Variants in CSPP1 observed in about 807,000 individuals in gnomAD.
CSPP1 encodes the protein centrosome and spindle pole associated protein 1, also known as centrosome and spindle pole-associated protein 1.
Under a neutral mutation model 164.4 loss-of-function variants are expected in CSPP1, and 126 were observed. The observed-to-expected ratio is 0.77, with a 90% CI of 0.66 to 0.89. The LOEUF (loss-of-function observed/expected upper bound fraction) is 0.89. Ranked by LOEUF, CSPP1 falls within the 40% of genes least tolerant of loss-of-function variation. The pLI, the probability that CSPP1 is intolerant of heterozygous loss-of-function variation, is 0.00. For synonymous variants in CSPP1, 472 were observed against 476.7 expected (o/e 0.99, Z 0.13); for missense variants, 1,395 against 1,449.8 (o/e 0.96, Z 0.61).
intron 10 of CSPP1, among the ~76,000 whole-genome samples, chr8:67,113,014 G>C (rs1404208278): frequency 6.6e-6 from 1 of 152,186 alleles, no homozygotes; most frequent in African/African-American, 2.4e-5. Context: ...CGGAGGCCGA[G>C]GTGGGTGGAT....
intron 4 of CSPP1, among the ~76,000 whole-genome samples, chr8:67,089,115 G>T (rs1585971472): frequency 6.6e-6 from 1 of 151,828 alleles, no homozygotes; most frequent in African/African-American, 2.4e-5. Flanking sequence ...TTCCAGACTT[G>T]GATTGCATGG....
At chr8:67,135,706 G>A (rs78500420) in intron 16 of CSPP1, 12,594 of 152,218 alleles carry the variant, frequency 0.083, 1,062 homozygotes, top group African/African-American at 0.22. Flanking sequence ...TCATTCATAT[G>A]TTTACTGGAG....
At chr8:67,145,382 T>G (rs1277241827) in intron 17 of CSPP1, among the ~76,000 whole-genome samples, 1 of 152,186 alleles carries the variant, frequency 6.6e-6, no homozygotes, top group African/African-American at 2.4e-5. Flanking sequence ...TTATGGATCT[T>G]TTCATAGAAT....
chr8:67,194,829 C>T (rs1837477940), intron 30 of CSPP1, among the ~76,000 whole-genome samples: 1 of 152,102 alleles, frequency 6.6e-6, no homozygotes. Context: ...GCAAGAGCTA[C>T]CTCTTCATTG....
At position 67,118,293 on chromosome 8, in the gene CSPP1, T is replaced by A; in HGVS notation, c.1542T>A (p.Thr514=). The change falls in exon 14 of 31, where the codon ACT becomes ACA. Residue 514 remains threonine, a synonymous_variant. Coordinates refer to ENST00000678616, the MANE Select transcript of CSPP1 (RefSeq NM_001382391.1). Reference sequence around the variant, plus strand: ...CTCCCCTACTACCACCTTTGGCTACTAACTATCGAACTCCTTATGATGATG... The same window carrying A: ...CTCCCCTACTACCACCTTTGGCTACAAACTATCGAACTCCTTATGATGATG... ...PPPPLLPPLA[T]NYRTPYDDAY... is the part of the protein sequence containing the mutation. 6.2e-7 allele frequency: 1 copy of A among 1,613,418 alleles called. No homozygotes were observed. Among genetic ancestry groups the A allele is most frequent in the Non-Finnish European group, 8.5e-7 (1 of 1,179,352 alleles).
In CSPP1 at chr8:67,074,239, A is replaced by G; in HGVS notation, c.-10-4A>G. 2 of 1,566,480 alleles carry G rather than the reference A, an allele frequency of 1.3e-6. No individual in the cohort carries two copies. The highest frequency in any genetic ancestry group is 2.7e-5 in the African/African-American group (2 of 73,472). On this transcript the variant is annotated splice_region_variant and splice_polypyrimidine_tract_variant and intron_variant, in intron 1 of 30. Coordinates refer to ENST00000678616, the MANE Select transcript of CSPP1 (RefSeq NM_001382391.1). ...GATACGCTCACTGAAATTTTTTTTT[A>G]AAGAATCTGCAAAATGGCTGATAAT...
At chr8:67,078,058 T>TA (rs1287225664) in intron 3 of CSPP1, among the ~76,000 whole-genome samples, 4 of 152,204 alleles carry the variant, frequency 2.6e-5, no homozygotes, top group Non-Finnish European at 4.4e-5. Context: ...TACGTTTTTA[T>TA]GAATCTAAAT....
At chr8:67,162,077 GA>G (rs1169200547) in intron 22 of CSPP1, among the ~76,000 whole-genome samples, 162 bp downstream of exon 22, 1 of 152,146 alleles carries the variant, frequency 6.6e-6, no homozygotes, top group Non-Finnish European at 1.5e-5. Flanking sequence ...GATTGTAACT[GA>G]TAGTGCTTGG....
chr8:67,183,823 G>C (rs1833634384), intron 28 of CSPP1, among the ~76,000 whole-genome samples: 1 of 141,676 alleles, frequency 7.1e-6, no homozygotes, highest in Non-Finnish European at 1.5e-5. Context: ...TGATAAGCCA[G>C]ACTATGTAAA....
intron 24 of CSPP1, among the ~76,000 whole-genome samples, chr8:67,166,585 A>G (rs1829342346): frequency 6.6e-6 from 1 of 152,232 alleles, no homozygotes; most frequent in South Asian, 2.1e-4. Context: ...CAGTGATTCA[A>G]TAATTCTCCC....
intron 3 of CSPP1, among the ~76,000 whole-genome samples, chr8:67,084,536 C>T (rs1329726503): frequency 6.6e-6 from 1 of 152,124 alleles, no homozygotes; most frequent in Non-Finnish European, 1.5e-5. Context: ...TTATAAACTA[C>T]AGTCAAATTT....
intron 28 of CSPP1, among the ~76,000 whole-genome samples, chr8:67,182,079 G>A (rs1833189423): frequency 6.6e-6 from 1 of 152,104 alleles, no homozygotes; most frequent in South Asian, 2.1e-4. Flanking sequence ...ATGGCTCACT[G>A]CAGCCTTGAC....
chr8:67,149,813 T>C lies in CSPP1; in HGVS notation c.2006T>C (p.Ile669Thr), dbSNP rs968055651. ...TTGAATAGGATGCACAGACAAAATATAGATGCCTACCATAACCCAGATGCA... is the reference window on the plus strand; with the variant it reads ...TTGAATAGGATGCACAGACAAAATACAGATGCCTACCATAACCCAGATGCA... ...TDLNRMHRQN[I>T]DAYHNPDART... The change falls in exon 18 of 31, where the codon ATA (isoleucine) becomes ACA (threonine). Residue 669 changes from isoleucine (I) to threonine (T), a missense_variant. Physicochemically the swap from Ile to Thr is moderately conservative, Grantham distance 89. Coordinates refer to ENST00000678616, the MANE Select transcript of CSPP1 (RefSeq NM_001382391.1). 1.4e-5 allele frequency: 22 copies of C among 1,596,546 alleles called. No homozygotes were observed. Among genetic ancestry groups the C allele is most frequent in the African/African-American group, 2.7e-5 (2 of 74,022 alleles).
At chr8:67,156,212 T>C (rs1457720781) in intron 19 of CSPP1, among the ~76,000 whole-genome samples, 1 of 151,988 alleles carries the variant, frequency 6.6e-6, no homozygotes, top group Non-Finnish European at 1.5e-5. Flanking sequence ...GAGGTTTTAT[T>C]ATCTCTGTTT....
At chr8:67,114,989 G>T (rs935745614) in intron 12 of CSPP1, 3 of 152,334 alleles carry the variant, frequency 2.0e-5, no homozygotes, top group African/African-American at 7.2e-5. Context: ...GCAAAGTGTG[G>T]CCTGTGACCA....
At chr8:67,156,664 G>A (rs1826727268) in intron 19 of CSPP1, among the ~76,000 whole-genome samples, 1 of 152,092 alleles carries the variant, frequency 6.6e-6, no homozygotes, top group African/African-American at 2.4e-5. Context: ...AAAATATTAT[G>A]AAATGTTCAA....
intron 17 of CSPP1, among the ~76,000 whole-genome samples, chr8:67,144,329 A>G: frequency 6.6e-6 from 1 of 152,198 alleles, no homozygotes; most frequent in East Asian, 1.9e-4. Flanking sequence ...GTATTTTGTT[A>G]GAGATTTTTG....
In CSPP1 at chr8:67,164,377, A is replaced by C. The variant is rs764645149; in HGVS notation, c.2711-14A>C. On this transcript the variant is annotated splice_polypyrimidine_tract_variant and intron_variant, in intron 23 of 30. Coordinates refer to ENST00000678616, the MANE Select transcript of CSPP1 (RefSeq NM_001382391.1). ...TTCCTGTCTTGTGTTTTACTTATCA[A>C]TGGGAATTTGCAGAGGAGAAAAAAA... 1 of 1,201,028 alleles carries C rather than the reference A, an allele frequency of 8.3e-7. No individual in the cohort carries two copies. The highest frequency in any genetic ancestry group is 2.3e-5 in the East Asian group (1 of 43,038). The allele number at this position is 1,201,028 out of a possible 1,614,324, so 74.4% of individuals were successfully genotyped here.
chr8:67,069,872 C>A (rs1806355146), intron 1 of CSPP1, among the ~76,000 whole-genome samples: 1 of 151,956 alleles, frequency 6.6e-6, no homozygotes, highest in South Asian at 2.1e-4. Flanking sequence ...ATTGGCCAGG[C>A]TGGTCTCGAA....
Sources: allele counts gnomAD v4.1 joint callset (sites outside exome capture counted in the v4.1 genomes callset), GRCh38; gene constraint gnomAD v4.1.1; transcripts MANE v1.5; gene names NCBI Gene and HGNC (gene_info 2026-07-23, HGNC 2026-07-21).